Variants in SMU1 observed in about 807,000 individuals in gnomAD.
SMU1 encodes the protein WD40 repeat-containing protein SMU1.
SMU1 carries 2 observed loss-of-function variants against 62.0 expected under a neutral mutation model. The ratio of observed to expected loss-of-function variants is 0.03; its 90% CI spans 0.01 to 0.10. The LOEUF is 0.10. Ranked by LOEUF, SMU1 falls within the 10% of genes least tolerant of loss-of-function variation. The pLI is 1.00. For missense variants in SMU1, 227 were observed against 622.1 expected, an observed-to-expected ratio of 0.36 and a Z score of 6.76; for synonymous variants, 188 against 212.4, an observed-to-expected ratio of 0.89 and a Z score of 1.00.
intron 3 of SMU1, 25 bp from the exon 4 acceptor site, chr9:33,068,959 C>A: frequency 2.5e-6 from 4 of 1,611,716 alleles, no homozygotes; most frequent in Non-Finnish European, 3.4e-6. Flanking sequence ...GGTGTAGCAT[C>A]ATTTCCAAGA....
In SMU1 at chr9:33,041,868, G is replaced by A. The variant is rs1259370633; in HGVS notation, c.*5425C>T. 4 of 150,012 alleles carry A rather than the reference G, an allele frequency of 2.7e-5. No individual in the cohort carries two copies. 9.3% of individuals were successfully genotyped at this position (150,012 alleles called of 1,614,324 possible). A position where few individuals can be genotyped will look rare whatever the true frequency, so the allele number is the denominator to read the frequency against. Reference sequence around the variant, plus strand: ...AGCCAGATAAAAAAGGACAAGTATTGTATAATTTCACTTATATGAACTAAA... The same window carrying A: ...AGCCAGATAAAAAAGGACAAGTATTATATAATTTCACTTATATGAACTAAA... On this transcript the variant is annotated 3_prime_UTR_variant, in exon 12 of 12. Coordinates refer to ENST00000397149, the MANE Select transcript of SMU1 (RefSeq NM_018225.3).
In SMU1 at chr9:33,076,630, G is replaced by T. The variant is rs1190339733; in HGVS notation, c.-22C>A. On this transcript the variant is annotated 5_prime_UTR_variant, in exon 1 of 12. The change creates a new upstream start codon in the 5' untranslated region. Transcript: ENST00000397149. ...ACATAGCCGTATCTCTCCGGGAGCAGGCCCCAGCTCTCCCTCAAGGCCAGT... is the reference window on the plus strand; with the variant it reads ...ACATAGCCGTATCTCTCCGGGAGCATGCCCCAGCTCTCCCTCAAGGCCAGT... The T allele has an allele frequency of 6.2e-7, 1 of 1,613,832 alleles. No individual in the cohort carries two copies. Among genetic ancestry groups the T allele is most frequent in the East Asian group, 2.2e-5 (1 of 44,884 alleles).
intron 10 of SMU1, among the ~76,000 whole-genome samples, chr9:33,051,309 T>C (rs1010324673): frequency 6.6e-6 from 1 of 151,724 alleles, no homozygotes; most frequent in Non-Finnish European, 1.5e-5. Flanking sequence ...CGGAAGTTAG[T>C]GGGGAAGGAG....
intron 4 of SMU1, among the ~76,000 whole-genome samples, chr9:33,064,106 C>CTTT (rs932646066): frequency 6.8e-6 from 1 of 147,594 alleles, no homozygotes; most frequent in African/African-American, 2.5e-5. Context: ...CTTTTACCAA[C>CTTT]TTTTTTTTTT....
chr9:33,053,108 G>A lies in SMU1; in HGVS notation c.1290+15C>T, dbSNP rs754832417. 5.0e-6 allele frequency: 8 copies of A among 1,611,474 alleles called. No homozygotes were observed. Among genetic ancestry groups the A allele is most frequent in the East Asian group, 2.2e-5 (1 of 44,898 alleles). ...GCCCACAGTTCCTGTGCAAGGGTAC[G>A]TTCTGAACACTCACCTGCCCCTGCA... On this transcript the variant is annotated intron_variant, in intron 10 of 11. Transcript: ENST00000397149.
At chr9:33,075,326 G>C (rs1839533989) in intron 1 of SMU1, among the ~76,000 whole-genome samples, 1 of 152,154 alleles carries the variant, frequency 6.6e-6, no homozygotes, top group South Asian at 2.1e-4. Context: ...GCAGTGAGCG[G>C]AGATCGCGCC....
At chr9:33,061,958 A>G (rs1839366656) in intron 5 of SMU1, 91 bp downstream of exon 5, 1 of 1,393,934 alleles carries the variant, frequency 7.2e-7, no homozygotes, top group South Asian at 1.3e-5. Context: ...CTCCCCCTCA[A>G]TTATCCAAGC....
intron 4 of SMU1, among the ~76,000 whole-genome samples, chr9:33,067,612 C>G (rs530728362): frequency 7.3e-4 from 111 of 151,644 alleles, no homozygotes; most frequent in African/African-American, 2.6e-3. Flanking sequence ...GATTCTCCTG[C>G]CTCAGCCTCC....
chr9:33,050,234 A>G (rs1257784995), intron 10 of SMU1, among the ~76,000 whole-genome samples: 1 of 152,090 alleles, frequency 6.6e-6, no homozygotes, highest in African/African-American at 2.4e-5. Context: ...CACTGACCAC[A>G]CTCAATGCTG....
At chr9:33,060,643 C>T in intron 5 of SMU1, 59 bp from the exon 6 acceptor site, 2 of 1,593,966 alleles carry the variant, frequency 1.3e-6, no homozygotes, top group Non-Finnish European at 8.5e-7. Flanking sequence ...TAAAACAATT[C>T]CTTTTTTAAC....
At chr9:33,049,249 T>C (rs1010152514) in intron 10 of SMU1, among the ~76,000 whole-genome samples, 6 of 152,214 alleles carry the variant, frequency 3.9e-5, no homozygotes, top group African/African-American at 1.4e-4. Flanking sequence ...ATGAAGACAG[T>C]GTGGTATTGG....
rs758048064 is a variant in SMU1 at position 33,053,116 on chromosome 9, C to T, written c.1290+7G>A. ...TTCCTGTGCAAGGGTACGTTCTGAA[C>T]ACTCACCTGCCCCTGCATGTTCATG... On this transcript the variant is annotated splice_region_variant and intron_variant, in intron 10 of 11. Transcript: ENST00000397149. 1 of 1,611,896 alleles carries T rather than the reference C, an allele frequency of 6.2e-7. No homozygotes were observed. Among genetic ancestry groups the T allele is most frequent in the East Asian group, 2.2e-5 (1 of 44,880 alleles).
chr9:33,066,731 A>T (rs1461841990), intron 4 of SMU1, among the ~76,000 whole-genome samples: 9 of 151,490 alleles, frequency 5.9e-5, no homozygotes, highest in Non-Finnish European at 2.9e-5. Context: ...GCTCGAACCC[A>T]GAAGGCGGAG....
In SMU1 at chr9:33,044,353, T is replaced by C. The variant is rs114971711; in HGVS notation, c.*2940A>G. The C allele has an allele frequency of 4.6e-5, 7 of 152,364 alleles. No homozygotes were observed. The highest frequency in any genetic ancestry group is 1.7e-4 in the African/African-American group (7 of 41,566). 9.4% of individuals were successfully genotyped at this position (152,364 alleles called of 1,614,324 possible). A position where few individuals can be genotyped will look rare whatever the true frequency, so the allele number is the denominator to read the frequency against. ...ACCCGACGTCTGCAGGCCCTGACAG[T>C]TGGCTCTAGCGGGTGCGCAGTCTCC... On this transcript the variant is annotated 3_prime_UTR_variant, in exon 12 of 12. Coordinates refer to ENST00000397149, the MANE Select transcript of SMU1 (RefSeq NM_018225.3).
intron 3 of SMU1, 130 bp downstream of exon 3, chr9:33,071,610 A>G (rs1243581843): frequency 1.1e-6 from 1 of 915,680 alleles, no homozygotes; most frequent in East Asian, 2.8e-5. Flanking sequence ...TAAACAGAGA[A>G]GCATCATTCT....
intron 10 of SMU1, among the ~76,000 whole-genome samples, chr9:33,049,845 G>C (rs925153370): frequency 6.6e-6 from 1 of 151,974 alleles, no homozygotes; most frequent in Non-Finnish European, 1.5e-5. Context: ...GACTGAGGCT[G>C]GAAGATTTCT....
chr9:33,062,938 C>G (rs775120471), intron 4 of SMU1, among the ~76,000 whole-genome samples: 11 of 152,296 alleles, frequency 7.2e-5, no homozygotes, highest in Middle Eastern at 3.4e-3. Context: ...TGCAGTTGCA[C>G]TAGTGTTCAC....
intron 6 of SMU1, among the ~76,000 whole-genome samples, chr9:33,058,868 T>C (rs1307991263): frequency 3.9e-5 from 6 of 152,146 alleles, no homozygotes; most frequent in Non-Finnish European, 8.8e-5. Context: ...AATTTTAAAG[T>C]ATTTGTAATG....
chr9:33,046,994 A>G lies in SMU1; in HGVS notation c.*299T>C, dbSNP rs572059033. On this transcript the variant is annotated 3_prime_UTR_variant, in exon 12 of 12. Transcript: ENST00000397149. ...GAGGGACATTTTCCTCAGCATTTCAAATAATCAGAGGAGTAGAATTTTTTT... is the reference window on the plus strand; with the variant it reads ...GAGGGACATTTTCCTCAGCATTTCAGATAATCAGAGGAGTAGAATTTTTTT... The G allele has an allele frequency of 5.1e-4, 118 of 230,000 alleles. No individual in the cohort carries two copies. The highest frequency in any genetic ancestry group is 2.5e-3 in the African/African-American group (108 of 43,450). 14.2% of individuals were successfully genotyped at this position (230,000 alleles called of 1,614,324 possible). A position where few individuals can be genotyped will look rare whatever the true frequency, so the allele number is the denominator to read the frequency against.
Sources: gnomAD v4.1 joint callset for allele counts (sites outside exome capture counted in the v4.1 genomes callset) on GRCh38, gnomAD v4.1.1 for gene constraint, MANE v1.5 for transcripts, NCBI Gene and HGNC (gene_info 2026-07-23, HGNC 2026-07-21) for gene names.